The following ZNF385B variants were observed in gnomAD, a reference collection of about 807,000 sequenced individuals.
ZNF385B encodes the protein zinc finger protein 533.
ZNF385B carries 23 observed loss-of-function variants against 39.2 expected under a neutral mutation model. The observed-to-expected ratio is 0.59, with a 90% CI of 0.42 to 0.83. ZNF385B has a LOEUF of 0.83. Ranked by LOEUF, ZNF385B falls within the 40% of genes least tolerant of loss-of-function variation. The probability of loss-of-function intolerance (pLI) is 0.00; values close to 1 mark genes in which losing one functional copy is unlikely to be tolerated. For missense variants in ZNF385B, 552 were observed against 598.9 expected (o/e 0.92, Z 0.82); for synonymous variants, 205 against 222.6 (o/e 0.92, Z 0.70).
intron 3 of ZNF385B, among the ~76,000 whole-genome samples, chr2:179,566,044 C>CTT (rs2105978870): frequency 6.6e-6 from 1 of 152,310 alleles, no homozygotes; most frequent in South Asian, 2.1e-4. Context: ...AGAGAAGGCA[C>CTT]TTAATGAATG....
intron 4 of ZNF385B, among the ~76,000 whole-genome samples, chr2:179,542,875 T>C (rs1163075087): frequency 6.6e-6 from 1 of 152,216 alleles, no homozygotes; most frequent in Non-Finnish European, 1.5e-5. Flanking sequence ...AGTAAAAGTA[T>C]GTGCAGGGGT....
chr2:179,613,419 T>A (rs999947266), intron 3 of ZNF385B, among the ~76,000 whole-genome samples: 1 of 152,174 alleles, frequency 6.6e-6, no homozygotes, highest in Non-Finnish European at 1.5e-5. Context: ...CGGCAAGTAC[T>A]ACCTGGGTCA....
chr2:179,547,329 T>C (rs1207953055), intron 3 of ZNF385B, among the ~76,000 whole-genome samples: 1 of 149,628 alleles, frequency 6.7e-6, no homozygotes, highest in African/African-American at 2.5e-5. Context: ...TTTTTTCACA[T>C]AGTAGTTTCA....
At chr2:179,815,928 C>T (rs1361433950) in intron 1 of ZNF385B, among the ~76,000 whole-genome samples, 3 of 152,084 alleles carry the variant, frequency 2.0e-5, no homozygotes, top group Non-Finnish European at 4.4e-5. Flanking sequence ...GTGCCTCTTA[C>T]ATCCATTTAT....
intron 3 of ZNF385B, among the ~76,000 whole-genome samples, chr2:179,641,840 C>G (rs1692293087): frequency 6.6e-6 from 1 of 152,080 alleles, no homozygotes; most frequent in Admixed American, 6.6e-5. Context: ...GGACAATGAT[C>G]AGAGGCTCTC....
At position 179,492,033 on chromosome 2, in the gene ZNF385B, T is replaced by C. The variant is rs190556955; in HGVS notation, c.553-8599A>G. On this transcript the variant is annotated intron_variant, in intron 5 of 9. Coordinates refer to ENST00000410066, the MANE Select transcript of ZNF385B (RefSeq NM_152520.6). ...TTTTATAATATGACACAAAATATTATAATTTGTAATTACTATTTTTGAATT... is the reference window on the plus strand; with the variant it reads ...TTTTATAATATGACACAAAATATTACAATTTGTAATTACTATTTTTGAATT... 2.8e-3 allele frequency among the ~76,000 whole-genome samples: 423 copies of C among 152,334 alleles called. 4 individuals carry two copies. Among genetic ancestry groups the C allele is most frequent in the Non-Finnish European group, 4.6e-3 (312 of 68,026 alleles).
chr2:179,592,999 A>G (rs935936735), intron 3 of ZNF385B, among the ~76,000 whole-genome samples: 1 of 152,128 alleles, frequency 6.6e-6, no homozygotes, highest in East Asian at 1.9e-4. Flanking sequence ...TTATCTATCC[A>G]ACCCACCATA....
At chr2:179,600,655 T>C (rs969746352) in intron 3 of ZNF385B, among the ~76,000 whole-genome samples, 1 of 152,218 alleles carries the variant, frequency 6.6e-6, no homozygotes, top group Non-Finnish European at 1.5e-5. Flanking sequence ...TATTTTATTT[T>C]TGGTCCTACA....
chr2:179,445,480 T>C (rs144479168), intron 8 of ZNF385B, 70 bp downstream of exon 8: 841 of 1,484,656 alleles, frequency 5.7e-4, no homozygotes, highest in Non-Finnish European at 7.4e-4. Context: ...AAAACCATTC[T>C]ATAGATGAGA....
chr2:179,455,063 C>A (rs144715803), intron 6 of ZNF385B, among the ~76,000 whole-genome samples: 25 of 152,280 alleles, frequency 1.6e-4, no homozygotes, highest in African/African-American at 5.1e-4. Context: ...CTCACTGACT[C>A]ACCCACAGCA....
At chr2:179,832,657 T>C (rs1708044881) in intron 1 of ZNF385B, among the ~76,000 whole-genome samples, 1 of 152,222 alleles carries the variant, frequency 6.6e-6, no homozygotes, top group Non-Finnish European at 1.5e-5. Context: ...TTCCAGGGTA[T>C]GCATGATCTT....
chr2:179,715,713 C>T (rs1038522404), intron 3 of ZNF385B, among the ~76,000 whole-genome samples: 2 of 151,562 alleles, frequency 1.3e-5, no homozygotes, highest in African/African-American at 4.8e-5. Context: ...TTAATATTTA[C>T]CCATTATAAA....
chr2:179,487,647 G>C (rs2054727439), intron 5 of ZNF385B, among the ~76,000 whole-genome samples: 1 of 152,198 alleles, frequency 6.6e-6, no homozygotes, highest in South Asian at 2.1e-4. Flanking sequence ...ACTTCTAAGA[G>C]ACTAGGTTGG....
chr2:179,637,326 G>T (rs1691853994), intron 3 of ZNF385B: 1 of 152,122 alleles, frequency 6.6e-6, no homozygotes, highest in South Asian at 2.1e-4. Context: ...AACTGACTGG[G>T]ATTTTATAGG....
intron 3 of ZNF385B, among the ~76,000 whole-genome samples, chr2:179,611,263 G>C (rs1178657687): frequency 6.6e-6 from 1 of 152,112 alleles, no homozygotes; most frequent in East Asian, 1.9e-4. Context: ...GATGTTGAAT[G>C]TTATCACATG....
chr2:179,845,039 C>T (rs887512664), intron 1 of ZNF385B, among the ~76,000 whole-genome samples: 1 of 152,100 alleles, frequency 6.6e-6, no homozygotes, highest in Admixed American at 6.5e-5. Context: ...GATCACTACC[C>T]AAACACCATA....
chr2:179,556,708 A>T (rs1273389174), intron 3 of ZNF385B, among the ~76,000 whole-genome samples: 1 of 149,410 alleles, frequency 6.7e-6, no homozygotes, highest in Non-Finnish European at 1.5e-5. Context: ...CCTCAATGGC[A>T]TTAAGACCCT....
intron 1 of ZNF385B, among the ~76,000 whole-genome samples, chr2:179,786,698 C>CT (rs201773197): frequency 0.013 from 1,794 of 140,210 alleles, 26 homozygotes; most frequent in African/African-American, 0.036. Flanking sequence ...CTTTCTTTTT[C>CT]TTTTTTTTTT....
chr2:179,583,884 T>C, intron 3 of ZNF385B: 1 of 1,300,452 alleles, frequency 7.7e-7, no homozygotes, highest in South Asian at 1.2e-5. Context: ...TCAGTCCACA[T>C]ATAAATTATA....
Sources: gnomAD v4.1 joint callset for allele counts (sites outside exome capture counted in the v4.1 genomes callset) on GRCh38, gnomAD v4.1.1 for gene constraint, MANE v1.5 for transcripts, NCBI Gene and HGNC (gene_info 2026-07-23, HGNC 2026-07-21) for gene names.